Variants in PSMD14 observed in about 807,000 individuals in gnomAD.
PSMD14 encodes ubiquitin C-terminal hydrolase PSMD14.
In PSMD14, 7 loss-of-function variants were observed where a neutral mutation model predicts 41.2. That is an observed-to-expected ratio of 0.17 (90% CI 0.10 to 0.32). The LOEUF (loss-of-function observed/expected upper bound fraction) is 0.32, where lower values mean the gene tolerates loss of function less well. Ranked by LOEUF, PSMD14 falls within the 10% of genes least tolerant of loss-of-function variation. The probability of loss-of-function intolerance (pLI) is 1.00; values close to 1 mark genes in which losing one functional copy is unlikely to be tolerated. For synonymous variants in PSMD14, 114 were observed against 122.3 expected, an observed-to-expected ratio of 0.93 and a Z score of 0.45; for missense variants, 139 against 375.6, an observed-to-expected ratio of 0.37 and a Z score of 5.21.
In PSMD14 at chr2:161,376,670, G is replaced by A. The variant is rs182962323; in HGVS notation, c.462+5348G>A. ...CCTTGGGCATGCTGATGAAAAGGAA[G>A]TGAATATATTACTTTGAAACTTGGG... On this transcript the variant is annotated intron_variant, in intron 7 of 11. Coordinates refer to ENST00000409682, the MANE Select transcript of PSMD14 (RefSeq NM_005805.6). Among the ~76,000 whole-genome samples, 469 of 151,982 alleles carry A rather than the reference G, an allele frequency of 3.1e-3. 1 individual carries two copies. Among genetic ancestry groups the A allele is most frequent in the Non-Finnish European group, 4.9e-3 (335 of 67,880 alleles).
chr2:161,347,252 G>T (rs779274362), intron 3 of PSMD14, among the ~76,000 whole-genome samples: 8 of 152,150 alleles, frequency 5.3e-5, no homozygotes, highest in Non-Finnish European at 1.2e-4. Context: ...AGGTGGGAAT[G>T]TAGATTTAGT....
Position 161,408,851 on chromosome 2 carries a change from A to T in PSMD14, c.786A>T (p.Glu262Asp). ...TTCATTCACAGGCTGTAGAAGAAGA[A>T]GATAAGATGACACCTGAACAGCTGG... ...AKNYNKAVEEEDKMTPEQLAI... is the reference protein window; with the variant it reads ...AKNYNKAVEEDDKMTPEQLAI... Residue 262 changes from glutamate to aspartate, a missense_variant, in exon 11 of 12, where the codon GAA (glutamate) becomes GAT (aspartate). By Grantham distance (45) the Glu-to-Asp change is conservative. This residue lies in a region of PSMD14 where 80 missense variants were observed against 138.1 expected (regional missense o/e 0.58). Coordinates refer to ENST00000409682, the MANE Select transcript of PSMD14 (RefSeq NM_005805.6). The T allele has an allele frequency of 1.2e-6, 2 of 1,605,900 alleles. No homozygotes were observed. The highest frequency in any genetic ancestry group is 1.7e-6 in the Non-Finnish European group (2 of 1,173,872).
At position 161,311,354 on chromosome 2, in the gene PSMD14, AT is replaced by A. The variant is rs534694136; in HGVS notation, c.-138+2758del. 1.9e-4 allele frequency among the ~76,000 whole-genome samples: 29 copies of A among 151,978 alleles called. No homozygotes were observed. In the South Asian group the frequency reaches 2.7e-3, roughly 14 times the overall value. On this transcript the variant is annotated intron_variant, in intron 1 of 11. Transcript: ENST00000409682. ...GCATCTATATTGAACATGTATAGACATTTTTTTTCATTATTCCCTAAGCAAT... is the reference window on the plus strand; with the variant it reads ...GCATCTATATTGAACATGTATAGACATTTTTTTCATTATTCCCTAAGCAAT...
intron 10 of PSMD14, among the ~76,000 whole-genome samples, chr2:161,406,486 C>T (rs1355757960): frequency 1.3e-5 from 2 of 152,160 alleles, no homozygotes; most frequent in African/African-American, 4.8e-5. Context: ...GCCTGAATTT[C>T]ATTTGTTTCT....
At chr2:161,341,070 G>GGCTCCCCGA in intron 3 of PSMD14, 1 of 1,551,700 alleles carries the variant, frequency 6.4e-7, no homozygotes, top group South Asian at 1.2e-5. Flanking sequence ...CGGTCCCGCA[G>GGCTCCCCGA]GCTCCCCGAG....
intron 10 of PSMD14, 78 bp from the exon 11 acceptor site, chr2:161,408,759 A>G (rs16845844): frequency 0.13 from 137,611 of 1,077,540 alleles, 10,842 homozygotes; most frequent in African/African-American, 0.29. Context: ...TCTGGTCATC[A>G]TTATTTTTGG....
intron 10 of PSMD14, among the ~76,000 whole-genome samples, chr2:161,404,078 T>A (rs1469933392): frequency 6.6e-6 from 1 of 151,888 alleles, no homozygotes; most frequent in Non-Finnish European, 1.5e-5. Flanking sequence ...GCTATTTTTT[T>A]TTTTCTTTTA....
At chr2:161,318,908 G>A (rs1264023077) in intron 3 of PSMD14, 35 bp downstream of exon 3, 3 of 1,563,936 alleles carry the variant, frequency 1.9e-6, no homozygotes, top group Non-Finnish European at 1.8e-6. Flanking sequence ...TTCCTTGTGT[G>A]TAAACTACAA....
intron 5 of PSMD14, among the ~76,000 whole-genome samples, chr2:161,368,329 C>T (rs972205314): frequency 2.6e-5 from 4 of 151,976 alleles, no homozygotes; most frequent in African/African-American, 9.7e-5. Flanking sequence ...AAAAAATGTT[C>T]TATATATGGT....
chr2:161,394,399 C>T (rs58627659), intron 9 of PSMD14, among the ~76,000 whole-genome samples: 9,979 of 152,224 alleles, frequency 0.066, 443 homozygotes, highest in East Asian at 0.15. Context: ...TTACCTAATA[C>T]AAGCCCCTTA....
Position 161,350,911 on chromosome 2 carries a change from T to G in PSMD14, c.49-16567T>G, listed in dbSNP as rs549464586. Among the ~76,000 whole-genome samples the G allele has an allele frequency of 3.9e-5, 6 of 152,366 alleles. No individual in the cohort carries two copies. The East Asian group carries it at 1.2e-3, about 29-fold the overall frequency. ...TGTAATTAGTCTCCAAGTATTATAC[T>G]GTGGAGTGTGCTTCAAATGTTTCTT... On this transcript the variant is annotated intron_variant, in intron 3 of 11. Coordinates refer to ENST00000409682, the MANE Select transcript of PSMD14 (RefSeq NM_005805.6).
chr2:161,391,262 G>T, intron 9 of PSMD14, 84 bp downstream of exon 9: 1 of 1,301,080 alleles, frequency 7.7e-7, no homozygotes, highest in Non-Finnish European at 1.0e-6. Flanking sequence ...ATTTAAATTC[G>T]AATTTTTGAC....
Position 161,351,762 on chromosome 2 carries a change from G to C in PSMD14, c.49-15716G>C, listed in dbSNP as rs529901769. 2.6e-5 allele frequency among the ~76,000 whole-genome samples: 4 copies of C among 152,266 alleles called. No individual in the cohort carries two copies. In the South Asian group the frequency reaches 8.3e-4, roughly 32 times the overall value. On this transcript the variant is annotated intron_variant, in intron 3 of 11. Transcript: ENST00000409682. ...TGCTCTGTTCCGTGGTATCATTACT[G>C]TGGGACTCAAGCTGATACAGCGCTA...
At chr2:161,393,509 C>T (rs1212005981) in intron 9 of PSMD14, among the ~76,000 whole-genome samples, 1 of 152,084 alleles carries the variant, frequency 6.6e-6, no homozygotes, top group Non-Finnish European at 1.5e-5. Flanking sequence ...GTGATTTTGA[C>T]AGGCAGCTTA....
At chr2:161,385,888 G>T (rs1325662169) in intron 8 of PSMD14, among the ~76,000 whole-genome samples, 1 of 151,720 alleles carries the variant, frequency 6.6e-6, no homozygotes, top group Non-Finnish European at 1.5e-5. Flanking sequence ...AGTTTCCGGT[G>T]AAGGATGTAA....
At chr2:161,323,204 TG>T (rs1428605655) in intron 3 of PSMD14, among the ~76,000 whole-genome samples, 12 of 152,256 alleles carry the variant, frequency 7.9e-5, no homozygotes, top group African/African-American at 2.4e-4. Context: ...CCAAGTCTAT[TG>T]GCCTATTTTT....
intron 10 of PSMD14, among the ~76,000 whole-genome samples, chr2:161,402,187 C>T (rs1360193166): frequency 6.6e-6 from 1 of 152,176 alleles, no homozygotes; most frequent in Non-Finnish European, 1.5e-5. Flanking sequence ...CATCTCCAGT[C>T]TTTCCCTTTC....
intron 3 of PSMD14, among the ~76,000 whole-genome samples, chr2:161,352,118 C>A (rs1217215602): frequency 6.6e-6 from 1 of 152,196 alleles, no homozygotes; most frequent in Non-Finnish European, 1.5e-5. Context: ...AATTCCTAGA[C>A]AACTGGCTGG....
intron 7 of PSMD14, among the ~76,000 whole-genome samples, chr2:161,378,106 GTCT>G (rs915238226): frequency 3.3e-5 from 5 of 152,036 alleles, no homozygotes; most frequent in African/African-American, 9.6e-5. Flanking sequence ...CAGGTTTAAT[GTCT>G]TCTTGTCATT....
Sources: gnomAD v4.1 joint callset for allele counts (sites outside exome capture counted in the v4.1 genomes callset) on GRCh38, gnomAD v4.1.1 for gene constraint, gnomAD v4.1.1 regional missense constraint, MANE v1.5 for transcripts, NCBI Gene and HGNC (gene_info 2026-07-23, HGNC 2026-07-21) for gene names.